ST3GAL3: variants seen among roughly 807,000 people sequenced by gnomAD.
The protein encoded by ST3GAL3 is ST3 beta-galactoside alpha-2,3-sialyltransferase 3.
In ST3GAL3, 21 loss-of-function variants were observed where a neutral mutation model predicts 50.1. That is an observed-to-expected ratio of 0.42 (90% CI 0.30 to 0.60). The LOEUF is 0.60. Ranked by LOEUF, ST3GAL3 falls within the 20% of genes least tolerant of loss-of-function variation. The pLI is 0.19. For missense variants in ST3GAL3, 353 were observed against 489.4 expected (o/e 0.72, Z 2.63); for synonymous variants, 183 against 190.0 (o/e 0.96, Z 0.30).
chr1:43,755,305 T>C (rs1347571828), intron 2 of ST3GAL3, among the ~76,000 whole-genome samples: 2 of 152,238 alleles, frequency 1.3e-5, no homozygotes, highest in East Asian at 3.8e-4. Context: ...TAAAATAAGA[T>C]GTTTTATATC....
At chr1:43,866,121 G>C (rs2071271169) in intron 5 of ST3GAL3, among the ~76,000 whole-genome samples, 1 of 152,210 alleles carries the variant, frequency 6.6e-6, no homozygotes, top group Admixed American at 6.5e-5. Flanking sequence ...AAGACACCCA[G>C]GTAAGGACAT....
At chr1:43,854,051 C>A (rs1353573924) in intron 5 of ST3GAL3, among the ~76,000 whole-genome samples, 1 of 152,134 alleles carries the variant, frequency 6.6e-6, no homozygotes, top group East Asian at 1.9e-4. Context: ...ACTACAACAC[C>A]AGGGAGGGGT....
chr1:43,851,644 A>T, intron 5 of ST3GAL3: 1 of 1,271,700 alleles, frequency 7.9e-7, no homozygotes, highest in Non-Finnish European at 1.2e-6. Context: ...AAACCTCAAC[A>T]TCGCTGTCTT....
At chr1:43,834,916 T>A (rs1015888188) in intron 4 of ST3GAL3, among the ~76,000 whole-genome samples, 5 of 152,216 alleles carry the variant, frequency 3.3e-5, no homozygotes, top group African/African-American at 1.2e-4. Context: ...TCTGATGCTT[T>A]TTCCATTTAT....
chr1:43,790,261 C>G (rs879011784), intron 2 of ST3GAL3, among the ~76,000 whole-genome samples: 8 of 152,182 alleles, frequency 5.3e-5, no homozygotes, highest in Non-Finnish European at 1.0e-4. Context: ...ATGAAACTTA[C>G]AACCTAGCAG....
At chr1:43,803,501 T>C (rs527679210) in intron 3 of ST3GAL3, among the ~76,000 whole-genome samples, 4 of 152,358 alleles carry the variant, frequency 2.6e-5, no homozygotes, top group African/African-American at 9.6e-5. Context: ...GTGAGCCCGA[T>C]TTTTCAGTGG....
At chr1:43,783,659 A>G (rs532941194) in intron 2 of ST3GAL3, among the ~76,000 whole-genome samples, 2 of 152,248 alleles carry the variant, frequency 1.3e-5, no homozygotes, top group South Asian at 4.1e-4. Context: ...TTTCAGCAGC[A>G]CATGCCTAGT....
chr1:43,893,279 G>A lies in ST3GAL3; in HGVS notation c.303-1104G>A, dbSNP rs929327700. Among the ~76,000 whole-genome samples, 6 of 152,362 alleles carry A rather than the reference G, an allele frequency of 3.9e-5. No individual in the cohort carries two copies. The East Asian group carries it at 9.6e-4, about 24-fold the overall frequency. On this transcript the variant is annotated intron_variant, in intron 5 of 11. Transcript: ENST00000347631. ...CCAGTTATTCAGTGGCTGATTCAGG[G>A]TGAGTTAGAAATAACAACACAGAGC...
Position 43,737,680 on chromosome 1 carries a change from C to T in ST3GAL3, c.118+1300C>T, listed in dbSNP as rs1033133207. The T allele has an allele frequency of 6.6e-6, 1 of 152,158 alleles. No homozygotes were observed. The highest frequency in any genetic ancestry group is 1.5e-5 in the Non-Finnish European group (1 of 68,032). The allele number at this position is 152,158 out of a possible 1,614,324, so 9.4% of individuals were successfully genotyped here. A position where few individuals can be genotyped will look rare whatever the true frequency, so the allele number is the denominator to read the frequency against. ...GCAGAATTCTGTATTTAGAGGCATTCATTGTCTGTATTGGTAGTGGTGGAT... is the reference window on the plus strand; with the variant it reads ...GCAGAATTCTGTATTTAGAGGCATTTATTGTCTGTATTGGTAGTGGTGGAT... On this transcript the variant is annotated intron_variant, in intron 2 of 11. Coordinates refer to ENST00000347631, the MANE Select transcript of ST3GAL3 (RefSeq NM_006279.5). The surrounding 1 kb of genome is among the most constrained non-coding windows in gnomAD (Gnocchi z 4.0).
At chr1:43,859,900 G>A (rs1207145287) in intron 5 of ST3GAL3, among the ~76,000 whole-genome samples, 4 of 152,168 alleles carry the variant, frequency 2.6e-5, no homozygotes, top group South Asian at 4.1e-4. Flanking sequence ...ATCCTCATGT[G>A]TACCTCAAGA....
At chr1:43,793,896 AAC>A (rs1188186517) in intron 3 of ST3GAL3, among the ~76,000 whole-genome samples, 1 of 152,092 alleles carries the variant, frequency 6.6e-6, no homozygotes, top group Non-Finnish European at 1.5e-5. Flanking sequence ...CAGCTTGGGT[AAC>A]ACAGTGAGAC....
chr1:43,740,815 TAAGAA>T (rs1680557243), intron 2 of ST3GAL3, among the ~76,000 whole-genome samples: 1 of 145,830 alleles, frequency 6.9e-6, no homozygotes. Flanking sequence ...AACCTTGTCT[TAAGAA>T]AGAAAGAGAG....
intron 5 of ST3GAL3, among the ~76,000 whole-genome samples, chr1:43,878,862 T>C (rs1243130998): frequency 1.3e-5 from 2 of 152,192 alleles, no homozygotes; most frequent in African/African-American, 4.8e-5. Flanking sequence ...TTCAGCACCT[T>C]TTATGCTAGG....
intron 4 of ST3GAL3, among the ~76,000 whole-genome samples, chr1:43,823,989 CTA>C (rs1184891151): frequency 2.6e-5 from 4 of 152,094 alleles, no homozygotes; most frequent in Non-Finnish European, 5.9e-5. Flanking sequence ...CAGTTTTATC[CTA>C]TGTTTTAACT....
At position 43,784,387 on chromosome 1, in the gene ST3GAL3, T is replaced by C. The variant is rs551334690; in HGVS notation, c.119-7715T>C. On this transcript the variant is annotated intron_variant, in intron 2 of 11. Transcript: ENST00000347631. ...GGCCGAGTGTGGTGGCACATGCCTG[T>C]AGTCCCAGCTACTTGGGAGGCTAAG... Among the ~76,000 whole-genome samples, 87 of 152,268 alleles carry C rather than the reference T, an allele frequency of 5.7e-4. 1 individual carries two copies. Among genetic ancestry groups the C allele is most frequent in the African/African-American group, 1.9e-3 (80 of 41,554 alleles).
At chr1:43,752,374 G>C (rs1558144377) in intron 2 of ST3GAL3, among the ~76,000 whole-genome samples, 1 of 152,142 alleles carries the variant, frequency 6.6e-6, no homozygotes, top group Non-Finnish European at 1.5e-5. Context: ...TTAACTAAAG[G>C]TTTCCTGTCT....
intron 5 of ST3GAL3, among the ~76,000 whole-genome samples, chr1:43,873,193 T>G (rs1303320235): frequency 1.3e-5 from 2 of 151,996 alleles, no homozygotes; most frequent in Non-Finnish European, 2.9e-5. Context: ...ACAGGAGAGA[T>G]GATTGTGACC....
intron 2 of ST3GAL3, among the ~76,000 whole-genome samples, chr1:43,761,950 CAAA>C (rs67747915): frequency 1.5e-5 from 1 of 68,850 alleles, no homozygotes; most frequent in African/African-American, 9.6e-5. Context: ...CACTCTGTCT[CAAA>C]AAAAAAAAAA....
intron 2 of ST3GAL3, among the ~76,000 whole-genome samples, chr1:43,788,473 C>T (rs184363695): frequency 2.4e-4 from 37 of 152,220 alleles, no homozygotes; most frequent in African/African-American, 8.2e-4. Flanking sequence ...TCCTCCTCTG[C>T]GGAGACTCTT....
Sources: gnomAD v4.1 joint callset for allele counts (sites outside exome capture counted in the v4.1 genomes callset) on GRCh38, gnomAD v4.1.1 for gene constraint, Gnocchi (gnomAD v3.1) non-coding constraint, MANE v1.5 for transcripts, NCBI Gene and HGNC (gene_info 2026-07-23, HGNC 2026-07-21) for gene names.